DFFA: variants seen among roughly 807,000 people sequenced by gnomAD.
The protein encoded by DFFA is DFF45.
In DFFA, 14 loss-of-function variants were observed where a neutral mutation model predicts 28.0. That is an observed-to-expected ratio of 0.50 (90% confidence interval 0.33 to 0.78). The LOEUF (loss-of-function observed/expected upper bound fraction) is 0.78. DFFA is among the 30% of genes least tolerant of loss of function. The probability of loss-of-function intolerance (pLI) is 0.02; values close to 1 mark genes in which losing one functional copy is unlikely to be tolerated. For synonymous variants in DFFA, 158 were observed against 170.3 expected (o/e 0.93, Z 0.56); for missense variants, 395 against 407.1 (o/e 0.97, Z 0.26).
chr1:10,463,487 A>T lies in DFFA; in HGVS notation c.575T>A (p.Leu192Gln). 1 of 1,614,094 alleles carries T rather than the reference A, an allele frequency of 6.2e-7. No homozygotes were observed. Among genetic ancestry groups the T allele is most frequent in the South Asian group, 1.1e-5 (1 of 91,084 alleles). Reference protein sequence around the residue: ...REEVRQSKQLLQLYLQALEKE... With the variant: ...REEVRQSKQLQQLYLQALEKE... The stretch of plus-strand genomic sequence containing the variant: ...CTCCAAAGCCTGGAGGTACAGCTGC[A>T]GGAGCTGCTTGGACTGACGCACTTC... Residue 192 changes from leucine to glutamine, a missense_variant, in exon 4 of 6, where the codon CTG becomes CAG. Transcript: ENST00000377038.
intron 3 of DFFA, among the ~76,000 whole-genome samples, chr1:10,465,455 G>A (rs1329612560): frequency 5.3e-5 from 8 of 151,852 alleles, no homozygotes; most frequent in African/African-American, 1.9e-4. Flanking sequence ...TAGTAGAGAC[G>A]GGATTTCACC....
At chr1:10,469,068 G>C in intron 2 of DFFA, 109 bp downstream of exon 2, 1 of 1,199,128 alleles carries the variant, frequency 8.3e-7, no homozygotes, top group East Asian at 2.4e-5. Context: ...AATATCTGTT[G>C]AACAAATGCT....
rs1640874640 is a variant in DFFA, at chr1:10,457,385, A to ATTTAGGCCAGGCG, written c.*4092_*4104dup. ...CGGTCTGTCGGTCATGTGGTACTTC[A>ATTTAGGCCAGGCG]TTTAGGCCAGGCGTGGTGGCTCACC... On this transcript the variant is annotated 3_prime_UTR_variant, in exon 6 of 6. Transcript: ENST00000377038. 1 of 152,158 alleles carries ATTTAGGCCAGGCG rather than the reference A, an allele frequency of 6.6e-6. No individual in the cohort carries two copies. The highest frequency in any genetic ancestry group is 1.5e-5 in the Non-Finnish European group (1 of 68,102). The allele number at this position is 152,158 out of a possible 1,614,324, so 9.4% of individuals were successfully genotyped here.
intron 5 of DFFA, among the ~76,000 whole-genome samples, chr1:10,462,090 C>CG: frequency 6.6e-6 from 1 of 152,302 alleles, no homozygotes; most frequent in South Asian, 2.1e-4. Context: ...GATCTCCTGA[C>CG]CTTGTGATCC....
chr1:10,470,131 C>T (rs960653125), intron 1 of DFFA, among the ~76,000 whole-genome samples: 8 of 152,036 alleles, frequency 5.3e-5, no homozygotes, highest in Admixed American at 3.9e-4. Flanking sequence ...TTTTCATATA[C>T]AGTATTTAAT....
In DFFA at chr1:10,472,528, AC is replaced by A. The variant is rs563645743; in HGVS notation, c.-71del. ...GCCGGAGCGGCGGTCCTTCTACTCG[AC>A]CCCCTTCCGCAGCCTGCCGGGAGAT... On this transcript the variant is annotated 5_prime_UTR_variant, in exon 1 of 6. Coordinates refer to ENST00000377038, the MANE Select transcript of DFFA (RefSeq NM_004401.3). The surrounding 1 kb of genome is among the most constrained non-coding windows in gnomAD (Gnocchi z 5.0). 1 of 1,488,576 alleles carries A rather than the reference AC, an allele frequency of 6.7e-7. No individual in the cohort carries two copies. Among genetic ancestry groups the A allele is most frequent in the Non-Finnish European group, 9.0e-7 (1 of 1,106,784 alleles). 92.2% of individuals were successfully genotyped at this position (1,488,576 alleles called of 1,614,324 possible).
intron 1 of DFFA, 52 bp from the exon 2 acceptor site, chr1:10,469,390 A>G (rs1279816697): frequency 6.4e-7 from 1 of 1,554,882 alleles, no homozygotes; most frequent in Admixed American, 1.8e-5. Context: ...AGGAAATTAC[A>G]TCTATCCCTG....
intron 1 of DFFA, among the ~76,000 whole-genome samples, chr1:10,470,183 T>C (rs1641076987): frequency 6.6e-6 from 1 of 152,132 alleles, no homozygotes; most frequent in Admixed American, 6.6e-5. Context: ...ATTAGTTCTG[T>C]TTTATAGATG....
chr1:10,457,136 G>C lies in DFFA; in HGVS notation c.*4354C>G, dbSNP rs999671457. ...ATTATAGCACTTCATTCCTTTCTTG[G>C]GGGGGACTGGATTATTTATTTTGAG... On this transcript the variant is annotated 3_prime_UTR_variant, in exon 6 of 6. Coordinates refer to ENST00000377038, the MANE Select transcript of DFFA (RefSeq NM_004401.3). 1 of 152,022 alleles carries C rather than the reference G, an allele frequency of 6.6e-6. No individual in the cohort carries two copies. 9.4% of individuals were successfully genotyped at this position (152,022 alleles called of 1,614,324 possible). A position where few individuals can be genotyped will look rare whatever the true frequency, so the allele number is the denominator to read the frequency against.
chr1:10,469,827 TTTTC>T (rs985905018), intron 1 of DFFA, among the ~76,000 whole-genome samples: 4 of 129,724 alleles, frequency 3.1e-5, no homozygotes, highest in East Asian at 2.4e-4. Context: ...CCCTAAGTGC[TTTTC>T]TTTCTTTCTT....
At chr1:10,464,522 C>T (rs1640996662) in intron 3 of DFFA, among the ~76,000 whole-genome samples, 1 of 152,074 alleles carries the variant, frequency 6.6e-6, no homozygotes, top group African/African-American at 2.4e-5. Context: ...TAAGACCAGC[C>T]TGGGCAACAT....
intron 2 of DFFA, among the ~76,000 whole-genome samples, 182 bp from the exon 3 acceptor site, chr1:10,467,514 ATT>A (rs373985522): frequency 2.8e-5 from 4 of 142,810 alleles, no homozygotes; most frequent in Admixed American, 7.0e-5. Context: ...CTCTTCTTTC[ATT>A]TTTTTTTTTT....
At position 10,472,422 on chromosome 1, in the gene DFFA, C is replaced by G; in HGVS notation, c.37G>C (p.Gly13Arg). 1 of 1,612,070 alleles carries G rather than the reference C, an allele frequency of 6.2e-7. No homozygotes were observed. Among genetic ancestry groups the G allele is most frequent in the South Asian group, 1.1e-5 (1 of 90,800 alleles). The change falls in exon 1 of 6, where the codon GGC (glycine) becomes CGC (arginine). Residue 13 changes from glycine (G) to arginine (R), a missense_variant. By Grantham distance (125) the Gly-to-Arg change is moderately radical. Transcript: ENST00000377038. The surrounding 1 kb of genome is among the most constrained non-coding windows in gnomAD (Gnocchi z 5.0). Reference sequence around the variant, plus strand: ...CACGGCTTTAGAGTCCGGATCTCGCCAGATTCTGGTACCCCGGCGTCCCCG... The same window carrying G: ...CACGGCTTTAGAGTCCGGATCTCGCGAGATTCTGGTACCCCGGCGTCCCCG... ...VTGDAGVPES[G>R]EIRTLKPCLL...
intron 5 of DFFA, 84 bp downstream of exon 5, chr1:10,462,974 A>C (rs1250146435): frequency 1.3e-6 from 2 of 1,580,712 alleles, no homozygotes; most frequent in Non-Finnish European, 1.7e-6. Flanking sequence ...AGGTGAACAA[A>C]AGGGCCCACA....
intron 1 of DFFA, 45 bp from the exon 2 acceptor site, chr1:10,469,383 A>AAATT: frequency 6.3e-7 from 1 of 1,578,532 alleles, no homozygotes; most frequent in Non-Finnish European, 8.7e-7. Context: ...AACCGTAAGG[A>AAATT]AATTACATCT....
In DFFA at chr1:10,463,223, A is replaced by G. The variant is rs1640974714; in HGVS notation, c.632-14T>C. The G allele has an allele frequency of 6.2e-7, 1 of 1,612,004 alleles. No individual in the cohort carries two copies. The highest frequency in any genetic ancestry group is 8.5e-7 in the Non-Finnish European group (1 of 1,178,358). ...CAGCTTTGGACTCTGCAAAGGAGACACGAGACAGAGATCAGACGTGGTGTG... is the reference window on the plus strand; with the variant it reads ...CAGCTTTGGACTCTGCAAAGGAGACGCGAGACAGAGATCAGACGTGGTGTG... On this transcript the variant is annotated splice_polypyrimidine_tract_variant and intron_variant, in intron 4 of 5. Transcript: ENST00000377038.
In DFFA at chr1:10,467,178, A is replaced by C. The variant is rs1641034662; in HGVS notation, c.441+12T>G. 1 of 1,613,848 alleles carries C rather than the reference A, an allele frequency of 6.2e-7. No individual in the cohort carries two copies. The highest frequency in any genetic ancestry group is 1.7e-5 in the Admixed American group (1 of 59,980). On this transcript the variant is annotated intron_variant, in intron 3 of 5. Transcript: ENST00000377038. ...GGATGAACATTGTTGCAGGTTGTGG[A>C]GGAGGCTTTACCTGGAGGTCCTCCT...
intron 5 of DFFA, 158 bp downstream of exon 5, chr1:10,462,900 G>A: frequency 6.9e-7 from 1 of 1,441,966 alleles, no homozygotes; most frequent in South Asian, 1.5e-5. Context: ...TTAGATTAAT[G>A]AGATTTTTGC....
In DFFA at chr1:10,472,217, G is replaced by A. The variant is rs1365109294; in HGVS notation, c.136+106C>T. The A allele has an allele frequency of 5.8e-6, 8 of 1,372,106 alleles. No individual in the cohort carries two copies. The highest frequency in any genetic ancestry group is 4.4e-5 in the South Asian group (3 of 68,510). The allele number at this position is 1,372,106 out of a possible 1,614,324, so 85.0% of individuals were successfully genotyped here. On this transcript the variant is annotated intron_variant, in intron 1 of 5. Transcript: ENST00000377038. The surrounding 1 kb of genome is among the most constrained non-coding windows in gnomAD (Gnocchi z 5.0). Reference sequence around the variant, plus strand: ...GTTTCTGTCCCAAGCCTCCACCCGAGATACAAGAATCCCCAAGTCGCCTCT... The same window carrying A: ...GTTTCTGTCCCAAGCCTCCACCCGAAATACAAGAATCCCCAAGTCGCCTCT...
Sources: allele counts gnomAD v4.1 joint callset (sites outside exome capture counted in the v4.1 genomes callset), GRCh38; gene constraint gnomAD v4.1.1; non-coding constraint Gnocchi (gnomAD v3.1); transcripts MANE v1.5; gene names NCBI Gene and HGNC (gene_info 2026-07-23, HGNC 2026-07-21).